Variants in VTCN1 observed in about 807,000 individuals in gnomAD.
VTCN1 encodes V-set domain containing T cell activation inhibitor 1.
VTCN1 carries 26 observed loss-of-function variants against 26.5 expected under a neutral mutation model. The observed-to-expected ratio is 0.98, with a 90% CI of 0.72 to 1.36. The LOEUF is 1.36. VTCN1 is among the 40% of genes most tolerant of loss of function. The pLI is 0.00. For synonymous variants in VTCN1, 116 were observed against 130.7 expected (o/e 0.89, Z 0.77); for missense variants, 298 against 337.7 (o/e 0.88, Z 0.92).
chr1:117,153,331 T>C lies in VTCN1; in HGVS notation c.484A>G (p.Ser162Gly). The change falls in exon 4 of 6, where the codon AGC becomes GGC. Residue 162 changes from serine to glycine, a missense_variant. Coordinates refer to ENST00000369458, the MANE Select transcript of VTCN1 (RefSeq NM_024626.4). ...GCCTCACACCGCAAGGTCTCTGAGC[T>C]GGCATTATAGTCCACATTCACTTCC... Reference protein sequence around the residue: ...MPEVNVDYNASSETLRCEAPR... With the variant: ...MPEVNVDYNAGSETLRCEAPR... 6.2e-7 allele frequency: 1 copy of C among 1,613,762 alleles called. No individual in the cohort carries two copies. Among genetic ancestry groups the C allele is most frequent in the Non-Finnish European group, 8.5e-7 (1 of 1,179,682 alleles).
At chr1:117,170,299 A>T in intron 1 of VTCN1, 128 bp from the exon 2 acceptor site, 1 of 904,772 alleles carries the variant, frequency 1.1e-6, no homozygotes, top group Non-Finnish European at 1.8e-6. Flanking sequence ...TTTCTTCCAC[A>T]TAAGCTTGTT....
At chr1:117,153,546 C>T (rs1466822621) in intron 3 of VTCN1, among the ~76,000 whole-genome samples, 177 bp from the exon 4 acceptor site, 3 of 149,778 alleles carry the variant, frequency 2.0e-5, no homozygotes, top group Non-Finnish European at 4.4e-5. Flanking sequence ...ATTATAGGTG[C>T]GAATAATTAT....
Position 117,156,611 on chromosome 1 carries a change from T to G in VTCN1, c.408A>C (p.Lys136Asn). ...ACTCAAGGTTAGCATTCCCCTTGCC[T>G]TTAGAAGTGATGATATAACATTTGT... ...GTYKCYIITS[K>N]GKGNANLEYK... Residue 136 changes from lysine (K) to asparagine (N), a missense_variant, in exon 3 of 6, where the codon AAA becomes AAC. By Grantham distance (94) the Lys-to-Asn change is moderately conservative (BLOSUM62 0). Coordinates refer to ENST00000369458, the MANE Select transcript of VTCN1 (RefSeq NM_024626.4). 1.2e-6 allele frequency: 2 copies of G among 1,611,416 alleles called. No homozygotes were observed. Among genetic ancestry groups the G allele is most frequent in the Non-Finnish European group, 1.7e-6 (2 of 1,178,780 alleles).
At chr1:117,150,265 A>T (rs1651719878) in intron 4 of VTCN1, among the ~76,000 whole-genome samples, 1 of 152,108 alleles carries the variant, frequency 6.6e-6, no homozygotes, top group Non-Finnish European at 1.5e-5. Context: ...CAGTCTCACC[A>T]CTCTCTTGAG....
chr1:117,210,903 G>A lies in VTCN1; in HGVS notation c.-48C>T, dbSNP rs990068771. On this transcript the variant is annotated 5_prime_UTR_variant, in exon 1 of 6. Transcript: ENST00000369458. The stretch of plus-strand genomic sequence containing the variant: ...ATCTGGGTACTGGCTGAGTGGAGCT[G>A]CCGCTGCCTTCCTTGGTGACTCACA... 2 of 1,607,272 alleles carry A rather than the reference G, an allele frequency of 1.2e-6. No individual in the cohort carries two copies. The highest frequency in any genetic ancestry group is 1.1e-5 in the South Asian group (1 of 90,900).
chr1:117,194,562 C>A (rs1648414150), intron 1 of VTCN1, among the ~76,000 whole-genome samples: 1 of 152,236 alleles, frequency 6.6e-6, no homozygotes, highest in Non-Finnish European at 1.5e-5. Flanking sequence ...GAAGGCATAT[C>A]TGTACCCCCA....
rs61759536 is a variant in VTCN1, at chr1:117,210,921, G to A, written c.-66C>T. ...TGGAGCTGCCGCTGCCTTCCTTGGT[G>A]ACTCACAACCAGCTCCCGTGTATTG... On this transcript the variant is annotated 5_prime_UTR_variant, in exon 1 of 6. Coordinates refer to ENST00000369458, the MANE Select transcript of VTCN1 (RefSeq NM_024626.4). 0.017 allele frequency: 26,564 copies of A among 1,560,374 alleles called. 302 individuals carry two copies. The highest frequency in any genetic ancestry group is 0.022 in the Middle Eastern group (119 of 5,500).
chr1:117,195,570 T>C lies in VTCN1; in HGVS notation c.32+15254A>G, dbSNP rs185942293. On this transcript the variant is annotated intron_variant, in intron 1 of 5. Transcript: ENST00000369458. ...CCTCAAATATTGAAGAAGATGGTAA[T>C]GTTAAATTAAAATTTTGTCATTTTC... 1.8e-3 allele frequency among the ~76,000 whole-genome samples: 277 copies of C among 152,250 alleles called. 1 individual carries two copies. Among genetic ancestry groups the C allele is most frequent in the African/African-American group, 6.5e-3 (271 of 41,562 alleles).
At position 117,146,661 on chromosome 1, in the gene VTCN1, T is replaced by G. The variant is rs1364687733; in HGVS notation, c.*45+952A>C. On this transcript the variant is annotated intron_variant, in intron 5 of 5. Coordinates refer to ENST00000369458, the MANE Select transcript of VTCN1 (RefSeq NM_024626.4). The surrounding 1 kb of genome is among the most constrained non-coding windows in gnomAD (Gnocchi z 4.2). ...GAGCAAGACCAGAAAGTAATGGTAG[T>G]TAGCAGGTAGTGGTAGGCAGCAGTA... is the stretch of plus-strand genomic sequence containing the variant. Among the ~76,000 whole-genome samples the G allele has an allele frequency of 6.6e-6, 1 of 152,130 alleles. No individual in the cohort carries two copies. The highest frequency in any genetic ancestry group is 2.4e-5 in the African/African-American group (1 of 41,422).
intron 2 of VTCN1, among the ~76,000 whole-genome samples, chr1:117,158,786 C>A (rs1652219738): frequency 2.0e-5 from 3 of 152,176 alleles, no homozygotes; most frequent in Admixed American, 2.0e-4. Context: ...AAACTGAATA[C>A]CTTTAACAGC....
chr1:117,153,954 A>ATTTT, intron 3 of VTCN1, among the ~76,000 whole-genome samples: 1 of 152,368 alleles, frequency 6.6e-6, no homozygotes, highest in South Asian at 2.1e-4. Context: ...TTCTCCTCGC[A>ATTTT]GGAGAGTTAA....
chr1:117,153,461 A>ATTTTT, intron 3 of VTCN1, 92 bp from the exon 4 acceptor site: 12 of 1,117,010 alleles, frequency 1.1e-5, no homozygotes, highest in South Asian at 1.8e-5. Flanking sequence ...AAATGCAGTC[A>ATTTTT]TTTTTTTTTT....
intron 1 of VTCN1, among the ~76,000 whole-genome samples, chr1:117,195,125 G>A (rs949758837): frequency 6.6e-6 from 1 of 151,878 alleles, no homozygotes; most frequent in Non-Finnish European, 1.5e-5. Context: ...AGCCAGGCAT[G>A]ATGGAGGGCG....
rs145852443 is a variant in VTCN1, at chr1:117,202,861, G to A, written c.32+7963C>T. On this transcript the variant is annotated intron_variant, in intron 1 of 5. Coordinates refer to ENST00000369458, the MANE Select transcript of VTCN1 (RefSeq NM_024626.4). ...AACACTCACTCCAGACAACACTAGC[G>A]ACAAGTGCTGAAAAGGAAAAAAAGA... Among the ~76,000 whole-genome samples, 600 of 152,294 alleles carry A rather than the reference G, an allele frequency of 3.9e-3. 6 individuals are homozygous for A. Among genetic ancestry groups the A allele is most frequent in the African/African-American group, 0.014 (573 of 41,542 alleles).
chr1:117,197,109 C>T (rs1015145259), intron 1 of VTCN1, among the ~76,000 whole-genome samples: 7 of 152,124 alleles, frequency 4.6e-5, no homozygotes, highest in East Asian at 1.9e-4. Flanking sequence ...AGAAAATCAT[C>T]GTTTACTTTT....
At chr1:117,201,878 A>C (rs752812718) in intron 1 of VTCN1, among the ~76,000 whole-genome samples, 19 of 152,246 alleles carry the variant, frequency 1.2e-4, no homozygotes, top group Non-Finnish European at 2.1e-4. Flanking sequence ...TGGAAGAAAG[A>C]AGGAAGAGGC....
chr1:117,184,519 A>G (rs1352199342), intron 1 of VTCN1, among the ~76,000 whole-genome samples: 1 of 152,182 alleles, frequency 6.6e-6, no homozygotes, highest in Non-Finnish European at 1.5e-5. Flanking sequence ...GTATTTTTAT[A>G]GTTCAGTGTT....
chr1:117,191,172 A>AG (rs2101579025), intron 1 of VTCN1, among the ~76,000 whole-genome samples: 1 of 152,348 alleles, frequency 6.6e-6, no homozygotes, highest in East Asian at 1.9e-4. Flanking sequence ...TGATCATACA[A>AG]GAAAAAAAAT....
chr1:117,158,051 C>T (rs1193337971), intron 2 of VTCN1, among the ~76,000 whole-genome samples: 1 of 152,212 alleles, frequency 6.6e-6, no homozygotes, highest in East Asian at 1.9e-4. Context: ...ACCCCTGTGG[C>T]TTTGCAGGGT....
Sources: gnomAD v4.1 joint callset for allele counts (sites outside exome capture counted in the v4.1 genomes callset) on GRCh38, gnomAD v4.1.1 for gene constraint, Gnocchi (gnomAD v3.1) non-coding constraint, MANE v1.5 for transcripts, NCBI Gene and HGNC (gene_info 2026-07-23, HGNC 2026-07-21) for gene names.